RAP1GDS1: variants seen among roughly 807,000 people sequenced by gnomAD.
RAP1GDS1 encodes Rap1 GTPase-GDP dissociation stimulator 1.
In RAP1GDS1, 35 loss-of-function variants were observed where a neutral mutation model predicts 71.1. The observed-to-expected ratio is 0.49, with a 90% CI of 0.38 to 0.65. The LOEUF (loss-of-function observed/expected upper bound fraction) is 0.65, where lower values mean the gene tolerates loss of function less well. Ranked by LOEUF, RAP1GDS1 falls within the 30% of genes least tolerant of loss-of-function variation. The pLI, the probability that RAP1GDS1 is intolerant of heterozygous loss-of-function variation, is 0.00. For synonymous variants in RAP1GDS1, 229 were observed against 243.1 expected (o/e 0.94, Z 0.54); for missense variants, 663 against 706.1 (o/e 0.94, Z 0.69).
At chr4:98,337,191 G>A (rs888382731) in intron 2 of RAP1GDS1, among the ~76,000 whole-genome samples, 9 of 152,074 alleles carry the variant, frequency 5.9e-5, no homozygotes, top group East Asian at 1.9e-4. Flanking sequence ...CACTGCACCC[G>A]TCCTTCAGTC....
intron 7 of RAP1GDS1, among the ~76,000 whole-genome samples, chr4:98,410,086 TAGTG>T (rs751114879): frequency 5.9e-4 from 90 of 152,042 alleles, no homozygotes; most frequent in Admixed American, 3.8e-3. Flanking sequence ...CTGAGCAACA[TAGTG>T]AGGCCTCATC....
chr4:98,276,811 C>T (rs1336706410), intron 1 of RAP1GDS1, among the ~76,000 whole-genome samples: 2 of 152,120 alleles, frequency 1.3e-5, no homozygotes, highest in African/African-American at 2.4e-5. Flanking sequence ...AAGGAAGTCA[C>T]ATTTTTGACT....
intron 2 of RAP1GDS1, among the ~76,000 whole-genome samples, chr4:98,304,313 A>G (rs554271388): frequency 9.2e-5 from 14 of 152,310 alleles, no homozygotes; most frequent in Non-Finnish European, 1.6e-4. Flanking sequence ...ATTCCCACCA[A>G]CAGTGTAAAA....
chr4:98,439,561 A>G (rs2110230269), intron 14 of RAP1GDS1, among the ~76,000 whole-genome samples: 1 of 152,244 alleles, frequency 6.6e-6, no homozygotes, highest in East Asian at 1.9e-4. Context: ...GAGATCTTTA[A>G]TTATAGTCTT....
rs572490495 is a variant in RAP1GDS1, at chr4:98,297,014, T to C, written c.112+3499T>C. 92 of 177,626 alleles carry C rather than the reference T, an allele frequency of 5.2e-4. 1 individual carries two copies. In the Admixed American group the frequency reaches 5.8e-3, roughly 11 times the overall value. 11.0% of individuals were successfully genotyped at this position (177,626 alleles called of 1,614,324 possible). Reference sequence around the variant, plus strand: ...AAGTAAGCTGTCTTCCCCTGCCTCGTTCTCTTTTTTTTTTTTTTGTATTTA... The same window carrying C: ...AAGTAAGCTGTCTTCCCCTGCCTCGCTCTCTTTTTTTTTTTTTTGTATTTA... On this transcript the variant is annotated intron_variant, in intron 2 of 14. Coordinates refer to ENST00000408927, the MANE Select transcript of RAP1GDS1 (RefSeq NM_001100427.2).
intron 2 of RAP1GDS1, among the ~76,000 whole-genome samples, chr4:98,314,628 TC>T (rs1433121239): frequency 4.6e-5 from 7 of 152,322 alleles, no homozygotes; most frequent in Admixed American, 3.9e-4. Flanking sequence ...GCAGTTCTAT[TC>T]AACTAGCATT....
chr4:98,355,868 T>C (rs1365208004), intron 4 of RAP1GDS1, among the ~76,000 whole-genome samples: 1 of 152,146 alleles, frequency 6.6e-6, no homozygotes, highest in Non-Finnish European at 1.5e-5. Context: ...GCTTTGTTGC[T>C]GATGAACTTT....
chr4:98,441,995 C>T lies in RAP1GDS1; in HGVS notation c.1702C>T (p.Leu568=), dbSNP rs1406312183. 2 of 1,613,684 alleles carry T rather than the reference C, an allele frequency of 1.2e-6. No individual in the cohort carries two copies. The highest frequency in any genetic ancestry group is 2.2e-5 in the South Asian group (2 of 91,034). ...LICALMGSEC[L]HKEVQDLAFL... is the part of the protein sequence containing the mutation. ...GTTATTTTTTTGTCTTCCAGAATGT[C>T]TACACAAGGAAGTACAGGATTTGGC... The change falls in exon 15 of 15, where the codon CTA becomes TTA. Residue 568 remains leucine, a synonymous_variant. Coordinates refer to ENST00000408927, the MANE Select transcript of RAP1GDS1 (RefSeq NM_001100427.2).
intron 4 of RAP1GDS1, among the ~76,000 whole-genome samples, chr4:98,369,206 T>C (rs1739988514): frequency 6.6e-6 from 1 of 152,100 alleles, no homozygotes; most frequent in South Asian, 2.1e-4. Flanking sequence ...CCATGACACG[T>C]GGGGATTGTG....
chr4:98,305,269 C>T lies in RAP1GDS1; in HGVS notation c.112+11754C>T, dbSNP rs542141236. On this transcript the variant is annotated intron_variant, in intron 2 of 14. Coordinates refer to ENST00000408927, the MANE Select transcript of RAP1GDS1 (RefSeq NM_001100427.2). ...TATAAATTACTTTGGGCAGTATGGC[C>T]GTTTTCATGCTAATTGATTCTTCCT... 3.9e-5 allele frequency among the ~76,000 whole-genome samples: 6 copies of T among 152,078 alleles called. No homozygotes were observed. In the South Asian group the frequency reaches 1.2e-3, roughly 32 times the overall value.
chr4:98,428,600 C>T (rs1322893729), intron 12 of RAP1GDS1, among the ~76,000 whole-genome samples: 2 of 152,156 alleles, frequency 1.3e-5, no homozygotes, highest in Non-Finnish European at 2.9e-5. Context: ...AAATGCTCAG[C>T]ATCACTAATG....
At chr4:98,364,007 T>G (rs562621923) in intron 4 of RAP1GDS1, among the ~76,000 whole-genome samples, 2 of 152,250 alleles carry the variant, frequency 1.3e-5, no homozygotes, top group South Asian at 4.2e-4. Flanking sequence ...GAACAGAGGT[T>G]GTTTTTTGTT....
chr4:98,439,390 G>T (rs1378835240), intron 14 of RAP1GDS1, among the ~76,000 whole-genome samples: 1 of 152,140 alleles, frequency 6.6e-6, no homozygotes, highest in East Asian at 1.9e-4. Flanking sequence ...ATGTGTCTTG[G>T]CATGGATTTC....
At chr4:98,341,380 G>C (rs1560867921) in intron 2 of RAP1GDS1, among the ~76,000 whole-genome samples, 1 of 152,218 alleles carries the variant, frequency 6.6e-6, no homozygotes, top group African/African-American at 2.4e-5. Flanking sequence ...GAGTGCAAGA[G>C]TTAGCATTGT....
At chr4:98,350,593 A>G (rs1047812601) in intron 3 of RAP1GDS1, among the ~76,000 whole-genome samples, 1 of 152,204 alleles carries the variant, frequency 6.6e-6, no homozygotes, top group Non-Finnish European at 1.5e-5. Flanking sequence ...TAATCTCAGC[A>G]CTTTGGGAGG....
chr4:98,273,293 A>G (rs1357632847), intron 1 of RAP1GDS1, among the ~76,000 whole-genome samples: 2 of 152,182 alleles, frequency 1.3e-5, no homozygotes, highest in Admixed American at 6.5e-5. Flanking sequence ...TAACATAACC[A>G]CATTTATTTA....
intron 11 of RAP1GDS1, among the ~76,000 whole-genome samples, chr4:98,420,405 AC>A (rs1189603235): frequency 1.3e-5 from 2 of 151,540 alleles, no homozygotes; most frequent in African/African-American, 4.8e-5. Context: ...TTGTTCTGTC[AC>A]CCAGGCTGGA....
chr4:98,263,980 G>C (rs1228241380), intron 1 of RAP1GDS1, among the ~76,000 whole-genome samples: 1 of 152,154 alleles, frequency 6.6e-6, no homozygotes, highest in African/African-American at 2.4e-5. Flanking sequence ...AAACCTTGGG[G>C]AACAGTTTTA....
chr4:98,389,509 G>T (rs1743280819), intron 5 of RAP1GDS1, among the ~76,000 whole-genome samples: 1 of 152,146 alleles, frequency 6.6e-6, no homozygotes, highest in South Asian at 2.1e-4. Flanking sequence ...TTTCTCTTTT[G>T]TGTGGTATGT....
Sources: allele counts gnomAD v4.1 joint callset (sites outside exome capture counted in the v4.1 genomes callset), GRCh38; gene constraint gnomAD v4.1.1; transcripts MANE v1.5; gene names NCBI Gene and HGNC (gene_info 2026-07-23, HGNC 2026-07-21).